BANP: variants seen among roughly 807,000 people sequenced by gnomAD.
The protein encoded by BANP is BTG3 associated nuclear protein.
Under a neutral mutation model 68.1 loss-of-function variants are expected in BANP, and 11 were observed. The ratio of observed to expected loss-of-function variants is 0.16; its 90% CI spans 0.10 to 0.27. The LOEUF (loss-of-function observed/expected upper bound fraction) is 0.27. Among genes scored for constraint, BANP ranks in the 10% least tolerant of loss-of-function variants. The probability of loss-of-function intolerance (pLI) is 1.00; values close to 1 mark genes in which losing one functional copy is unlikely to be tolerated. For missense variants in BANP, 504 were observed against 722.7 expected, an observed-to-expected ratio of 0.70 and a Z score of 3.47; for synonymous variants, 329 against 303.2, an observed-to-expected ratio of 1.09 and a Z score of -0.88.
chr16:88,054,596 C>T (rs1038585717), intron 11 of BANP, among the ~76,000 whole-genome samples: 11 of 152,226 alleles, frequency 7.2e-5, no homozygotes, highest in African/African-American at 2.4e-4. Context: ...ACAGCACCAG[C>T]ACCAGCACCA....
chr16:87,994,652 T>G (rs1247786890), intron 4 of BANP, among the ~76,000 whole-genome samples: 1 of 152,182 alleles, frequency 6.6e-6, no homozygotes, highest in Non-Finnish European at 1.5e-5. Context: ...TTTTAATCTT[T>G]AGCGTGGTAC....
intron 3 of BANP, among the ~76,000 whole-genome samples, chr16:87,982,954 GTGGGCCGGCCTCCCGCTCCCCTGTCAA>G (rs1259970501): frequency 1.0e-3 from 159 of 152,246 alleles, no homozygotes; most frequent in African/African-American, 3.6e-3. Flanking sequence ...CGGCTCCAAT[GTGGGCCGGCCTCCCGCTCCCCTGTCAA>G]TGTGGGCCGG....
chr16:88,071,164 G>A lies in BANP; in HGVS notation c.1378-905G>A, dbSNP rs2090203249. ...CTCCTCTTCCCAGGGCCACCGGTGA[G>A]ACTCTCAGTGCACAGAGTGCGGTTC... On this transcript the variant is annotated intron_variant, in intron 12 of 13. Transcript: ENST00000682872. This position sits in a 1 kb window ranked among gnomAD's most constrained non-coding sequence, Gnocchi z 6.5. The A allele has an allele frequency of 3.3e-6, 1 of 299,116 alleles. No individual in the cohort carries two copies. The highest frequency in any genetic ancestry group is 2.9e-5 in the South Asian group (1 of 34,754). 18.5% of individuals were successfully genotyped at this position (299,116 alleles called of 1,614,324 possible).
At chr16:88,059,579 C>T (rs937883383) in intron 11 of BANP, among the ~76,000 whole-genome samples, 1 of 152,142 alleles carries the variant, frequency 6.6e-6, no homozygotes, top group African/African-American at 2.4e-5. Flanking sequence ...CCATCTTCGG[C>T]AGAATGATGG....
chr16:88,041,694 G>GC (rs11375317), intron 11 of BANP, among the ~76,000 whole-genome samples: 150,782 of 152,352 alleles, frequency 0.99, 74,627 homozygotes, highest in South Asian at 1. Context: ...GCATCCTCTG[G>GC]TTCTTTGCCA....
chr16:88,062,010 G>T (rs1448439477), intron 11 of BANP, among the ~76,000 whole-genome samples: 2 of 152,144 alleles, frequency 1.3e-5, no homozygotes, highest in African/African-American at 4.8e-5. Flanking sequence ...TGAACATCTA[G>T]ATTTGAAAAA....
chr16:87,967,045 C>T (rs2060146512), intron 1 of BANP, among the ~76,000 whole-genome samples: 1 of 152,162 alleles, frequency 6.6e-6, no homozygotes, highest in South Asian at 2.1e-4. Flanking sequence ...GGCCAGGGCC[C>T]CTGAAGGAGG....
At chr16:88,028,604 C>T (rs1231828731) in intron 8 of BANP, among the ~76,000 whole-genome samples, 2 of 152,216 alleles carry the variant, frequency 1.3e-5, no homozygotes, top group African/African-American at 4.8e-5. Flanking sequence ...AGAAGCTCTT[C>T]TATTCTAGGC....
At chr16:87,958,681 C>T (rs187708409) in intron 1 of BANP, among the ~76,000 whole-genome samples, 19 of 152,248 alleles carry the variant, frequency 1.2e-4, no homozygotes, top group Admixed American at 8.5e-4. Flanking sequence ...CCAGCCTGGG[C>T]GGCAGAGTGA....
chr16:88,052,748 C>G (rs1199093815), intron 11 of BANP, among the ~76,000 whole-genome samples: 2 of 151,902 alleles, frequency 1.3e-5, no homozygotes, highest in Non-Finnish European at 2.9e-5. Flanking sequence ...ACTACCACCA[C>G]CACCTTTACC....
chr16:88,048,617 T>G (rs1356443419), intron 11 of BANP, among the ~76,000 whole-genome samples: 1 of 149,562 alleles, frequency 6.7e-6, no homozygotes, highest in Non-Finnish European at 1.5e-5. Context: ...GTATTAAATC[T>G]GCACTCACCA....
chr16:87,966,315 T>G (rs1477170054), intron 1 of BANP, among the ~76,000 whole-genome samples: 2 of 152,198 alleles, frequency 1.3e-5, no homozygotes, highest in Non-Finnish European at 2.9e-5. Context: ...TTGGTAGGGT[T>G]CTGAATAGTC....
chr16:87,956,252 A>G (rs545381412), intron 1 of BANP, among the ~76,000 whole-genome samples: 4 of 152,374 alleles, frequency 2.6e-5, no homozygotes, highest in African/African-American at 7.2e-5. Flanking sequence ...TGCAATCTAG[A>G]GAAACTAAAC....
chr16:88,033,952 A>G (rs1567821313), intron 9 of BANP, among the ~76,000 whole-genome samples: 1 of 152,118 alleles, frequency 6.6e-6, no homozygotes, highest in Admixed American at 6.5e-5. Flanking sequence ...GAAATTTTAC[A>G]TGCACCACTA....
At chr16:88,014,083 T>G (rs2073909924) in intron 6 of BANP, among the ~76,000 whole-genome samples, 2 of 152,224 alleles carry the variant, frequency 1.3e-5, no homozygotes, top group South Asian at 4.2e-4. Flanking sequence ...TTGGGGTAAC[T>G]CTGGTGGGGC....
chr16:87,969,435 C>T (rs1343854228), intron 1 of BANP, among the ~76,000 whole-genome samples: 2 of 152,064 alleles, frequency 1.3e-5, no homozygotes, highest in Non-Finnish European at 2.9e-5. Context: ...CTGATATCTT[C>T]TGGCGAAGTG....
chr16:88,051,585 C>T lies in BANP; in HGVS notation c.1311+13574C>T, dbSNP rs201441353. ...ACATGGATTTGGTGAGCCACGGTTC[C>T]CTCTCTCAGGGGTGCCTTTCCCTGC... On this transcript the variant is annotated intron_variant, in intron 11 of 13. Transcript: ENST00000682872. Among the ~76,000 whole-genome samples the T allele has an allele frequency of 9.8e-5, 15 of 152,300 alleles. No individual in the cohort carries two copies. In the East Asian group the frequency reaches 2.3e-3, roughly 24 times the overall value.
rs1479611270 is a variant in BANP at position 87,978,642 on chromosome 16, G to C, written c.71-2394G>C. The C allele has an allele frequency of 1.7e-5, 8 of 470,016 alleles. No individual in the cohort carries two copies. The Admixed American group carries it at 1.9e-4, about 11-fold the overall frequency. 29.1% of individuals were successfully genotyped at this position (470,016 alleles called of 1,614,324 possible). A position where few individuals can be genotyped will look rare whatever the true frequency, so the allele number is the denominator to read the frequency against. On this transcript the variant is annotated intron_variant, in intron 2 of 13. Coordinates refer to ENST00000682872, the MANE Select transcript of BANP (RefSeq NM_001386991.1). ...GAGGCCGAAGGCATAGCCGTGTGCT[G>C]TACTCAAGGGACACCCGCACCTCAG...
In BANP at chr16:88,033,150, C is replaced by G. The variant is rs1356810190; in HGVS notation, c.1105C>G (p.Gln369Glu). 6.2e-7 allele frequency: 1 copy of G among 1,609,666 alleles called. No homozygotes were observed. Among genetic ancestry groups the G allele is most frequent in the Non-Finnish European group, 8.5e-7 (1 of 1,176,992 alleles). Residue 369 changes from glutamine (Q) to glutamate (E), a missense_variant, in exon 9 of 14, where the codon CAG becomes GAG. By Grantham distance (29) the Gln-to-Glu change is conservative (BLOSUM62 2). Coordinates refer to ENST00000682872, the MANE Select transcript of BANP (RefSeq NM_001386991.1). ...CCCACCTCCTGCCAGCGAGCTCCCG[C>G]AGCCACAGCCGCAGCCGCAGGCCCT... ...STPPPASELP[Q>E]PQPQPQALHY... is the part of the protein sequence containing the mutation.
Sources: gnomAD v4.1 joint callset for allele counts (sites outside exome capture counted in the v4.1 genomes callset) on GRCh38, gnomAD v4.1.1 for gene constraint, Gnocchi (gnomAD v3.1) non-coding constraint, MANE v1.5 for transcripts, NCBI Gene and HGNC (gene_info 2026-07-23, HGNC 2026-07-21) for gene names.